The following MYO5A variants were observed in gnomAD, a reference collection of about 807,000 sequenced individuals.
MYO5A encodes unconventional myosin-Va.
MYO5A carries 98 observed loss-of-function variants against 249.7 expected under a neutral mutation model. The ratio of observed to expected loss-of-function variants is 0.39; its 90% CI spans 0.33 to 0.46. MYO5A has a LOEUF of 0.46. Among genes scored for constraint, MYO5A ranks in the 20% least tolerant of loss-of-function variants. The pLI, the probability that MYO5A is intolerant of heterozygous loss-of-function variation, is 0.98. For missense variants in MYO5A, 1,696 were observed against 2,308.8 expected (o/e 0.73, Z 5.44); for synonymous variants, 778 against 810.6 (o/e 0.96, Z 0.68).
Position 52,416,193 on chromosome 15 carries a change from A to G in MYO5A, c.564T>C (p.Ser188=), listed in dbSNP as rs758059161. 1.2e-6 allele frequency: 2 copies of G among 1,614,074 alleles called. No homozygotes were observed. The highest frequency in any genetic ancestry group is 4.5e-5 in the East Asian group (2 of 44,876). The part of the protein sequence containing the change: ...RYFATVSGSA[S]EANVEEKVLA... ...AGACCTTTTCCTCCACATTGGCCTC[A>G]CTGGCAGAACCACTCACAGTTGCAA... The change falls in exon 5 of 42, where the codon AGT becomes AGC. Residue 188 remains serine (S), a synonymous_variant. Coordinates refer to ENST00000399233, the MANE Select transcript of MYO5A (RefSeq NM_001382347.1).
At chr15:52,391,551 T>G (rs2042237075) in intron 12 of MYO5A, among the ~76,000 whole-genome samples, 1 of 152,204 alleles carries the variant, frequency 6.6e-6, no homozygotes, top group Admixed American at 6.5e-5. Context: ...AAGGAACAAC[T>G]AGTTAGTTTT....
chr15:52,508,468 G>A (rs1363948332), intron 1 of MYO5A, among the ~76,000 whole-genome samples: 1 of 151,304 alleles, frequency 6.6e-6, no homozygotes, highest in African/African-American at 2.4e-5. Flanking sequence ...AACAAAAGTA[G>A]AAACATAAAT....
intron 22 of MYO5A, among the ~76,000 whole-genome samples, chr15:52,367,863 AT>A: frequency 7.7e-6 from 1 of 130,562 alleles, no homozygotes; most frequent in Non-Finnish European, 1.6e-5. Flanking sequence ...TGTCATGTAT[AT>A]TTTAAAACAC....
At chr15:52,348,387 G>A (rs2039757988) in intron 29 of MYO5A, among the ~76,000 whole-genome samples, 1 of 152,186 alleles carries the variant, frequency 6.6e-6, no homozygotes, top group African/African-American at 2.4e-5. Context: ...CTACACTCAG[G>A]GAGATGAAAA....
At position 52,309,138 on chromosome 15, in the gene MYO5A, C is replaced by T. The variant is rs1243789367; in HGVS notation, c.*4558G>A. On this transcript the variant is annotated 3_prime_UTR_variant, in exon 42 of 42. Transcript: ENST00000399233. ...TCACCTGGTGGCTCCAATAAAGACT[C>T]TGATGGGTGTGGGGAGAGTAACTTT... is the stretch of plus-strand genomic sequence containing the variant. 1 of 152,322 alleles carries T rather than the reference C, an allele frequency of 6.6e-6. No homozygotes were observed. Among genetic ancestry groups the T allele is most frequent in the South Asian group, 2.1e-4 (1 of 4,836 alleles). The allele number at this position is 152,322 out of a possible 1,614,324, so 9.4% of individuals were successfully genotyped here.
At chr15:52,517,113 T>C (rs1416895638) in intron 1 of MYO5A, among the ~76,000 whole-genome samples, 1 of 152,214 alleles carries the variant, frequency 6.6e-6, no homozygotes. Flanking sequence ...GCAGAAAGCA[T>C]CTTCTAGAAG....
chr15:52,315,648 A>C (rs2037970805), intron 40 of MYO5A, among the ~76,000 whole-genome samples: 1 of 151,060 alleles, frequency 6.6e-6, no homozygotes, highest in South Asian at 2.1e-4. Context: ...TGCTGGGATT[A>C]CAGGTGTGAG....
At chr15:52,346,274 T>C in intron 30 of MYO5A, 87 bp downstream of exon 30, 1 of 802,814 alleles carries the variant, frequency 1.2e-6, no homozygotes, top group Non-Finnish European at 2.1e-6. Context: ...AAGGAATGTA[T>C]GAACACTTTT....
intron 9 of MYO5A, among the ~76,000 whole-genome samples, chr15:52,401,533 C>G (rs569650381): frequency 2.0e-5 from 3 of 152,176 alleles, no homozygotes; most frequent in Non-Finnish European, 4.4e-5. Context: ...GGGAAGTGAG[C>G]TATCAGATTA....
At chr15:52,441,019 G>A (rs1192134374) in intron 1 of MYO5A, among the ~76,000 whole-genome samples, 1 of 152,030 alleles carries the variant, frequency 6.6e-6, no homozygotes, top group Admixed American at 6.6e-5. Context: ...TGCTCCTCTG[G>A]GCTTTGAACT....
chr15:52,403,276 A>G (rs1031307376), intron 9 of MYO5A, among the ~76,000 whole-genome samples: 4 of 152,238 alleles, frequency 2.6e-5, no homozygotes, highest in African/African-American at 9.6e-5. Flanking sequence ...CAACATTCAG[A>G]GTAGTGTTAT....
chr15:52,496,307 T>C (rs1293572917), intron 1 of MYO5A, among the ~76,000 whole-genome samples: 1 of 152,136 alleles, frequency 6.6e-6, no homozygotes, highest in Non-Finnish European at 1.5e-5. Context: ...CCCCCTGTGC[T>C]TTCTAGGCCA....
chr15:52,369,487 T>G (rs536586490), intron 22 of MYO5A, among the ~76,000 whole-genome samples: 1 of 152,304 alleles, frequency 6.6e-6, no homozygotes, highest in South Asian at 2.1e-4. Context: ...TTAATACAAA[T>G]TTGAAGCGTG....
chr15:52,381,782 T>TCACACACACA (rs1555438778), intron 16 of MYO5A, among the ~76,000 whole-genome samples: 19 of 137,766 alleles, frequency 1.4e-4, no homozygotes, highest in African/African-American at 1.8e-4. Flanking sequence ...TCTCTCTCTC[T>TCACACACACA]CACACACACA....
intron 1 of MYO5A, among the ~76,000 whole-genome samples, chr15:52,437,745 A>C (rs529247331): frequency 1.3e-5 from 2 of 152,312 alleles, no homozygotes; most frequent in East Asian, 3.9e-4. Context: ...GGAGACTTTA[A>C]ATCTAGAAAG....
intron 29 of MYO5A, among the ~76,000 whole-genome samples, chr15:52,348,236 C>G (rs1404818943): frequency 6.6e-6 from 1 of 152,148 alleles, no homozygotes; most frequent in African/African-American, 2.4e-5. Context: ...AAGCCTGTGA[C>G]CAGAAGTTCT....
Position 52,372,367 on chromosome 15 carries a change from C to T in MYO5A, c.2578-4G>A, listed in dbSNP as rs754458039. 1.2e-5 allele frequency: 19 copies of T among 1,600,410 alleles called. No homozygotes were observed. In the East Asian group the frequency reaches 4.2e-4, roughly 36 times the overall value. On this transcript the variant is annotated splice_region_variant and splice_polypyrimidine_tract_variant and intron_variant, in intron 20 of 41. Transcript: ENST00000399233. ...CTGCTTTGTGCTCACGGAGTATCTG[C>T]AGAAAAGGATAAGGGCAAGCAATGT...
chr15:52,370,160 T>C lies in MYO5A; in HGVS notation c.3066+9A>G, dbSNP rs973025425. Reference sequence around the variant, plus strand: ...ACGGAGTAGATGGGGATATGGACATTATTCCTACCTGCTCTGTTTCTTGTT... The same window carrying C: ...ACGGAGTAGATGGGGATATGGACATCATTCCTACCTGCTCTGTTTCTTGTT... On this transcript the variant is annotated intron_variant, in intron 22 of 41. Transcript: ENST00000399233. 4 of 1,613,968 alleles carry C rather than the reference T, an allele frequency of 2.5e-6. No homozygotes were observed. Among genetic ancestry groups the C allele is most frequent in the South Asian group, 1.1e-5 (1 of 91,040 alleles).
chr15:52,491,789 A>C (rs1240743043), intron 1 of MYO5A, among the ~76,000 whole-genome samples: 2 of 152,240 alleles, frequency 1.3e-5, no homozygotes, highest in Non-Finnish European at 2.9e-5. Flanking sequence ...TCTAGATCCA[A>C]CTACTAATTT....
Sources: gnomAD v4.1 joint callset for allele counts (sites outside exome capture counted in the v4.1 genomes callset) on GRCh38, gnomAD v4.1.1 for gene constraint, MANE v1.5 for transcripts, NCBI Gene and HGNC (gene_info 2026-07-23, HGNC 2026-07-21) for gene names.